Variants in CEP192 observed in about 807,000 individuals in gnomAD.
CEP192 encodes centrosomal protein 192.
CEP192 carries 151 observed loss-of-function variants against 271.8 expected under a neutral mutation model. The observed-to-expected ratio is 0.56, with a 90% confidence interval of 0.49 to 0.64. The LOEUF (loss-of-function observed/expected upper bound fraction) is 0.64, where lower values mean the gene tolerates loss of function less well. Ranked by LOEUF, CEP192 falls within the 30% of genes least tolerant of loss-of-function variation. The pLI, the probability that CEP192 is intolerant of heterozygous loss-of-function variation, is 0.00. For synonymous variants in CEP192, 995 were observed against 1,076.5 expected (o/e 0.92, Z 1.48); for missense variants, 2,910 against 3,020.5 (o/e 0.96, Z 0.86).
Position 13,049,360 on chromosome 18 carries a change from T to C in CEP192, c.2569T>C (p.Ser857Pro). Residue 857 changes from serine (S) to proline (P), a missense_variant, in exon 16 of 45, where the codon TCA (serine) becomes CCA (proline). Physicochemically the swap from Ser to Pro is moderately conservative, Grantham distance 74. Coordinates refer to ENST00000506447, the MANE Select transcript of CEP192 (RefSeq NM_032142.4). The stretch of plus-strand genomic sequence containing the variant: ...AAATGGAGAGAGTGAGAATCAAGAG[T>C]CATTTAGAACCATAAACTCCTCAAA... ...VENGESENQESFRTINSSNSV... is the reference protein window; with the variant it reads ...VENGESENQEPFRTINSSNSV... The C allele has an allele frequency of 5.6e-6, 9 of 1,613,658 alleles. No homozygotes were observed. Among genetic ancestry groups the C allele is most frequent in the Non-Finnish European group, 7.6e-6 (9 of 1,179,908 alleles).
At position 13,113,664 on chromosome 18, in the gene CEP192, C is replaced by A. The variant is rs778895120; in HGVS notation, c.7126C>A (p.Pro2376Thr). 4.3e-6 allele frequency: 7 copies of A among 1,613,254 alleles called. No individual in the cohort carries two copies. Among genetic ancestry groups the A allele is most frequent in the Non-Finnish European group, 5.9e-6 (7 of 1,179,398 alleles). ...WDVECHPLKE[P>T]HMKHTLRFQL... ...TGTTGAATGTCACCCTCTTAAGGAG[C>A]CTCACATGAAACACACGTTGAGATT... Residue 2376 changes from proline (P) to threonine (T), a missense_variant, in exon 41 of 45, where the codon CCT (proline) becomes ACT (threonine). Physicochemically the swap from Pro to Thr is conservative, Grantham distance 38. Transcript: ENST00000506447.
At chr18:13,068,552 A>G in intron 24 of CEP192, 130 bp downstream of exon 24, 1 of 831,212 alleles carries the variant, frequency 1.2e-6, no homozygotes, top group South Asian at 1.8e-5. Context: ...TTTTTTTGAA[A>G]TTGAGGCAGA....
intron 34 of CEP192, among the ~76,000 whole-genome samples, chr18:13,094,715 A>G (rs2039306306): frequency 6.6e-6 from 1 of 152,136 alleles, no homozygotes; most frequent in Non-Finnish European, 1.5e-5. Flanking sequence ...CTGTGGACAA[A>G]CCCAGGAAAC....
chr18:13,115,821 C>T (rs1345625730), intron 42 of CEP192, among the ~76,000 whole-genome samples: 1 of 152,062 alleles, frequency 6.6e-6, no homozygotes, highest in Non-Finnish European at 1.5e-5. Context: ...TGTGTAGTGA[C>T]TGAATAGATA....
intron 21 of CEP192, among the ~76,000 whole-genome samples, chr18:13,066,770 C>T (rs1036597625): frequency 6.6e-6 from 1 of 152,092 alleles, no homozygotes; most frequent in Non-Finnish European, 1.5e-5. Flanking sequence ...CCATTCGAGC[C>T]TCACCCTGCT....
At chr18:13,014,768 T>G (rs2034548962) in intron 5 of CEP192, among the ~76,000 whole-genome samples, 1 of 152,212 alleles carries the variant, frequency 6.6e-6, no homozygotes, top group Admixed American at 6.5e-5. Flanking sequence ...TTTTCCAATA[T>G]AATTCCTATG....
intron 9 of CEP192, chr18:13,024,255 T>G: frequency 2.2e-6 from 1 of 453,438 alleles, no homozygotes; most frequent in South Asian, 1.6e-5. Context: ...CTGCCTTATC[T>G]CTGATAACTT....
At chr18:13,055,357 C>T (rs975871275) in intron 18 of CEP192, among the ~76,000 whole-genome samples, 1 of 152,102 alleles carries the variant, frequency 6.6e-6, no homozygotes, top group Non-Finnish European at 1.5e-5. Context: ...GGGTGGGGCC[C>T]TGCCAGCCTG....
At chr18:13,062,665 A>G (rs1317778046) in intron 21 of CEP192, among the ~76,000 whole-genome samples, 1 of 152,114 alleles carries the variant, frequency 6.6e-6, no homozygotes, top group Non-Finnish European at 1.5e-5. Context: ...TGTTTCAGAC[A>G]TGCAGTGTGA....
intron 38 of CEP192, 43 bp from the exon 39 acceptor site, chr18:13,103,466 C>T (rs749377030): frequency 1.3e-6 from 2 of 1,495,928 alleles, no homozygotes; most frequent in Non-Finnish European, 1.9e-6. Flanking sequence ...GCTTGTTCTC[C>T]AGTCTCTCCG....
chr18:13,001,679 G>GA, intron 3 of CEP192, 97 bp downstream of exon 3: 20 of 1,162,014 alleles, frequency 1.7e-5, no homozygotes, highest in Non-Finnish European at 2.0e-5. Context: ...AATTAATTCT[G>GA]ATTAATTCTA....
At chr18:13,084,244 G>A (rs948422776) in intron 30 of CEP192, among the ~76,000 whole-genome samples, 4 of 152,178 alleles carry the variant, frequency 2.6e-5, no homozygotes, top group African/African-American at 9.7e-5. Flanking sequence ...CTCTATAGAG[G>A]TTGTAGGCAT....
chr18:13,013,230 T>C (rs2034462090), intron 5 of CEP192, among the ~76,000 whole-genome samples: 1 of 152,140 alleles, frequency 6.6e-6, no homozygotes, highest in African/African-American at 2.4e-5. Flanking sequence ...GGGACTGTAT[T>C]CTTGGGCTTG....
chr18:13,010,477 G>A (rs965502368), intron 4 of CEP192, among the ~76,000 whole-genome samples: 1 of 152,040 alleles, frequency 6.6e-6, no homozygotes, highest in East Asian at 1.9e-4. Context: ...ACTCAAATAA[G>A]CAATAAAAGA....
intron 33 of CEP192, among the ~76,000 whole-genome samples, chr18:13,089,771 A>G (rs1407146892): frequency 6.6e-6 from 1 of 152,248 alleles, no homozygotes; most frequent in Non-Finnish European, 1.5e-5. Context: ...GAAGAGCGAC[A>G]TCTAGCTCAT....
intron 30 of CEP192, among the ~76,000 whole-genome samples, chr18:13,074,544 C>G (rs895749679): frequency 6.6e-6 from 1 of 152,180 alleles, no homozygotes; most frequent in Non-Finnish European, 1.5e-5. Context: ...TAGTAAGTCT[C>G]TGGTGATTTA....
In CEP192 at chr18:13,056,567, C is replaced by T. The variant is rs747073759; in HGVS notation, c.3977C>T (p.Ser1326Phe). 16 of 1,614,186 alleles carry T rather than the reference C, an allele frequency of 9.9e-6. No individual in the cohort carries two copies. In the South Asian group the frequency reaches 1.5e-4, roughly 16 times the overall value. The change falls in exon 19 of 45, where the codon TCT becomes TTT. Residue 1326 changes from serine to phenylalanine, a missense_variant. Physicochemically the swap from Ser to Phe is radical, Grantham distance 155. Coordinates refer to ENST00000506447, the MANE Select transcript of CEP192 (RefSeq NM_032142.4). ...SNIGSGWMGT[S>F]SLCNPYSNTL... is the part of the protein sequence containing the mutation. ...ATCGGCTCTGGATGGATGGGTACCT[C>T]TTCCCTCTGTAACCCATATTCTAAT...
intron 4 of CEP192, among the ~76,000 whole-genome samples, chr18:13,011,911 C>T (rs2034381873): frequency 6.6e-6 from 1 of 152,218 alleles, no homozygotes; most frequent in South Asian, 2.1e-4. Flanking sequence ...TGTTAATCAA[C>T]TGATGAATGG....
intron 44 of CEP192, among the ~76,000 whole-genome samples, chr18:13,122,868 A>G (rs2040737001): frequency 6.6e-6 from 1 of 151,810 alleles, no homozygotes; most frequent in African/African-American, 2.4e-5. Flanking sequence ...TGTAGAGATT[A>G]AATTAGTTCT....
Sources: gnomAD v4.1 joint callset for allele counts (sites outside exome capture counted in the v4.1 genomes callset) on GRCh38, gnomAD v4.1.1 for gene constraint, MANE v1.5 for transcripts, NCBI Gene and HGNC (gene_info 2026-07-23, HGNC 2026-07-21) for gene names.